Variants in ATXN7L1 observed in about 807,000 individuals in gnomAD.
ATXN7L1 encodes the protein ataxin 7 like 1, also known as ataxin-7-like protein 1.
Under a neutral mutation model 70.8 loss-of-function variants are expected in ATXN7L1, and 15 were observed. The observed-to-expected ratio is 0.21, with a 90% CI of 0.14 to 0.33. The LOEUF is 0.33. Among genes scored for constraint, ATXN7L1 ranks in the 10% least tolerant of loss-of-function variants. ATXN7L1 has a pLI of 1.00. For missense variants in ATXN7L1, 975 were observed against 1,097.1 expected (o/e 0.89, Z 1.57); for synonymous variants, 440 against 445.1 (o/e 0.99, Z 0.14).
At chr7:105,827,737 G>A (rs1379481229) in intron 2 of ATXN7L1, among the ~76,000 whole-genome samples, 1 of 152,138 alleles carries the variant, frequency 6.6e-6, no homozygotes. Context: ...CTATGAAGTA[G>A]CTACTATAGA....
intron 3 of ATXN7L1, among the ~76,000 whole-genome samples, chr7:105,765,811 A>C (rs1402720774): frequency 1.3e-5 from 2 of 152,170 alleles, no homozygotes; most frequent in Admixed American, 1.3e-4. Context: ...TGCTCAACAG[A>C]TCCTGCTTGG....
intron 8 of ATXN7L1, among the ~76,000 whole-genome samples, chr7:105,623,189 A>G (rs1460172051): frequency 6.6e-6 from 1 of 152,214 alleles, no homozygotes; most frequent in East Asian, 1.9e-4. Context: ...TGACATGGAT[A>G]GGAGGGAAGA....
chr7:105,752,712 A>G (rs1378590278), intron 3 of ATXN7L1, among the ~76,000 whole-genome samples: 1 of 152,176 alleles, frequency 6.6e-6, no homozygotes, highest in Non-Finnish European at 1.5e-5. Context: ...AGAGCATAAA[A>G]AGGTCTGGTT....
At chr7:105,802,037 C>A (rs951426802) in intron 2 of ATXN7L1, among the ~76,000 whole-genome samples, 4 of 152,136 alleles carry the variant, frequency 2.6e-5, no homozygotes, top group Non-Finnish European at 5.9e-5. Flanking sequence ...TCCTAAGATG[C>A]TAATGATGTT....
chr7:105,717,089 C>T lies in ATXN7L1; in HGVS notation c.356-51801G>A, dbSNP rs567572414. Among the ~76,000 whole-genome samples, 547 of 152,028 alleles carry T rather than the reference C, an allele frequency of 3.6e-3. 7 individuals carry two copies. The highest frequency in any genetic ancestry group is 0.012 in the African/African-American group (504 of 41,472). The stretch of plus-strand genomic sequence containing the variant: ...CTAAGCATTGTTTTAAATGCTGTTT[C>T]CCCCCACTTTTCACATTATAAACAT... On this transcript the variant is annotated intron_variant, in intron 3 of 11. Transcript: ENST00000419735.
intron 9 of ATXN7L1, 63 bp downstream of exon 9, chr7:105,620,137 G>C: frequency 6.5e-7 from 1 of 1,532,508 alleles, no homozygotes; most frequent in Non-Finnish European, 8.8e-7. Flanking sequence ...TATTTAGAAA[G>C]TTAAGTTTCA....
At position 105,605,745 on chromosome 7, in the gene ATXN7L1, G is replaced by C. The variant is rs867168492; in HGVS notation, c.*2107C>G. Reference sequence around the variant, plus strand: ...TAAAAAACAACAGACCTCTGAAACCGAACAAGACAAAATTGTGCAAAAATA... The same window carrying C: ...TAAAAAACAACAGACCTCTGAAACCCAACAAGACAAAATTGTGCAAAAATA... On this transcript the variant is annotated 3_prime_UTR_variant, in exon 12 of 12. Coordinates refer to ENST00000419735, the MANE Select transcript of ATXN7L1 (RefSeq NM_020725.2). The C allele has an allele frequency of 6.6e-6, 1 of 152,020 alleles. No individual in the cohort carries two copies. The highest frequency in any genetic ancestry group is 2.4e-5 in the African/African-American group (1 of 41,394). 9.4% of individuals were successfully genotyped at this position (152,020 alleles called of 1,614,324 possible). A position where few individuals can be genotyped will look rare whatever the true frequency, so the allele number is the denominator to read the frequency against.
At chr7:105,837,863 C>T (rs903084633) in intron 2 of ATXN7L1, among the ~76,000 whole-genome samples, 6 of 152,178 alleles carry the variant, frequency 3.9e-5, no homozygotes, top group East Asian at 1.9e-4. Context: ...CCTCTGGGGA[C>T]GTTTGCCAAA....
At chr7:105,800,714 G>C (rs1035042251) in intron 2 of ATXN7L1, among the ~76,000 whole-genome samples, 5 of 152,202 alleles carry the variant, frequency 3.3e-5, no homozygotes, top group African/African-American at 1.2e-4. Context: ...GCCTCCAGTT[G>C]GCTGTGCAAC....
chr7:105,821,230 G>C (rs950954689), intron 2 of ATXN7L1, among the ~76,000 whole-genome samples: 4 of 152,000 alleles, frequency 2.6e-5, no homozygotes, highest in Admixed American at 6.6e-5. Flanking sequence ...GTAGAGATGG[G>C]GTTTCTCCAT....
intron 4 of ATXN7L1, among the ~76,000 whole-genome samples, chr7:105,650,755 A>T (rs938507209): frequency 6.6e-6 from 1 of 152,204 alleles, no homozygotes; most frequent in Non-Finnish European, 1.5e-5. Flanking sequence ...AGCTGCTGAG[A>T]ACAATGATGT....
At chr7:105,723,184 G>T (rs900933380) in intron 3 of ATXN7L1, among the ~76,000 whole-genome samples, 1 of 152,206 alleles carries the variant, frequency 6.6e-6, no homozygotes, top group South Asian at 2.1e-4. Context: ...AGGGCTCGGG[G>T]TTAGACACAC....
chr7:105,787,919 G>A (rs888317796), intron 3 of ATXN7L1, among the ~76,000 whole-genome samples: 1 of 152,338 alleles, frequency 6.6e-6, no homozygotes, highest in African/African-American at 2.4e-5. Context: ...TCCACCCAGA[G>A]AGGTTAAGTG....
At chr7:105,697,314 G>A (rs1282867992) in intron 3 of ATXN7L1, among the ~76,000 whole-genome samples, 1 of 152,180 alleles carries the variant, frequency 6.6e-6, no homozygotes, top group Admixed American at 6.5e-5. Context: ...GTACGCCCCA[G>A]AGGGGCCAGT....
At chr7:105,710,773 C>T (rs1471558238) in intron 3 of ATXN7L1, among the ~76,000 whole-genome samples, 4 of 152,144 alleles carry the variant, frequency 2.6e-5, no homozygotes, top group Non-Finnish European at 4.4e-5. Flanking sequence ...TTTAAAGCAT[C>T]AGATCTTGTG....
chr7:105,684,774 G>A (rs554601517), intron 3 of ATXN7L1, among the ~76,000 whole-genome samples: 1 of 152,190 alleles, frequency 6.6e-6, no homozygotes, highest in Non-Finnish European at 1.5e-5. Flanking sequence ...GCCCAAGAGG[G>A]CAACTCGATA....
At chr7:105,740,126 T>C (rs1370833660) in intron 3 of ATXN7L1, among the ~76,000 whole-genome samples, 2 of 152,236 alleles carry the variant, frequency 1.3e-5, no homozygotes, top group Admixed American at 1.3e-4. Context: ...TGGGTTGAGA[T>C]AATTTGTAAA....
At chr7:105,728,990 G>A (rs187954155) in intron 3 of ATXN7L1, among the ~76,000 whole-genome samples, 58 of 152,234 alleles carry the variant, frequency 3.8e-4, no homozygotes, top group South Asian at 1.2e-3. Context: ...TGGGCCACGC[G>A]TGGTAGCTCA....
At chr7:105,830,161 A>G (rs1309444062) in intron 2 of ATXN7L1, among the ~76,000 whole-genome samples, 1 of 152,218 alleles carries the variant, frequency 6.6e-6, no homozygotes, top group African/African-American at 2.4e-5. Flanking sequence ...AGATCCAGAA[A>G]TGACCTGGGG....
Sources: gnomAD v4.1 joint callset for allele counts (sites outside exome capture counted in the v4.1 genomes callset) on GRCh38, gnomAD v4.1.1 for gene constraint, MANE v1.5 for transcripts, NCBI Gene and HGNC (gene_info 2026-07-23, HGNC 2026-07-21) for gene names.